The following TSBP1 variants were observed in gnomAD, a reference collection of about 807,000 sequenced individuals.
The protein encoded by TSBP1 is testis-expressed basic protein 1.
A neutral mutation model predicts 68.8 loss-of-function variants in TSBP1; 56 were observed. The ratio of observed to expected loss-of-function variants is 0.81; its 90% CI spans 0.66 to 1.02. The LOEUF is 1.02. Ranked by LOEUF, TSBP1 falls within the 50% of genes least tolerant of loss-of-function variation. The pLI is 0.00. For missense variants in TSBP1, 502 were observed against 641.2 expected (o/e 0.78, Z 2.34); for synonymous variants, 171 against 208.7 (o/e 0.82, Z 1.56).
chr6:32,344,343 A>G lies in TSBP1; in HGVS notation c.350-4705T>C, dbSNP rs188166009. On this transcript the variant is annotated intron_variant, in intron 9 of 22. Coordinates refer to ENST00000612031, the Ensembl canonical transcript of TSBP1. Reference sequence around the variant, plus strand: ...TCTTCTGCTCAACTTTTATGATTCAATGAGGCTAAATTCACAAACTAAAGC... The same window carrying G: ...TCTTCTGCTCAACTTTTATGATTCAGTGAGGCTAAATTCACAAACTAAAGC... Among the ~76,000 whole-genome samples, 47 of 139,462 alleles carry G rather than the reference A, an allele frequency of 3.4e-4. No individual in the cohort carries two copies. The East Asian group carries it at 6.0e-3, about 18-fold the overall frequency. 91.5% of individuals were successfully genotyped at this position (139,462 alleles called of 152,430 possible).
At chr6:32,345,331 A>G (rs1050031312) in intron 9 of TSBP1, among the ~76,000 whole-genome samples, 2 of 152,050 alleles carry the variant, frequency 1.3e-5, no homozygotes, top group Non-Finnish European at 2.9e-5. Context: ...GGTTCCTGGA[A>G]TTGGCACTGA....
chr6:32,299,835 C>A (rs115242686), intron 22 of TSBP1, 87 bp downstream of exon 25: 15,346 of 1,071,746 alleles, frequency 0.014, 546 homozygotes, highest in African/African-American at 0.13. Context: ...AAGCACAGGC[C>A]TCTATTTTGG....
At chr6:32,293,020 T>C in exon 23 of TSBP1, 1 of 1,608,874 alleles carries the variant, frequency 6.2e-7, no homozygotes, top group Non-Finnish European at 8.5e-7. Flanking sequence ...TTCCTGTATT[T>C]GCCTTCGCCC....
intron 1 of TSBP1, among the ~76,000 whole-genome samples, chr6:32,370,549 C>T (rs28986326): frequency 0.064 from 9,692 of 151,622 alleles, 424 homozygotes; most frequent in Middle Eastern, 0.18. Context: ...CTGAAGGGTG[C>T]TGACTGAAGG....
intron 22 of TSBP1, 80 bp downstream of exon 25, chr6:32,299,842 T>C: frequency 8.5e-7 from 1 of 1,170,442 alleles, no homozygotes; most frequent in Non-Finnish European, 1.3e-6. Flanking sequence ...GGCCTCTATT[T>C]TGGGAGTAGA....
chr6:32,364,950 G>A (rs1344697775), intron 6 of TSBP1, among the ~76,000 whole-genome samples: 1 of 152,120 alleles, frequency 6.6e-6, no homozygotes, highest in Non-Finnish European at 1.5e-5. Flanking sequence ...GAGTGGAGCA[G>A]TGGCATGATC....
intron 19 of TSBP1, among the ~76,000 whole-genome samples, chr6:32,309,163 T>A (rs1453319016): frequency 1.3e-5 from 2 of 152,118 alleles, no homozygotes; most frequent in African/African-American, 4.8e-5. Flanking sequence ...GTGCCCAGCC[T>A]GGTCTCCAAC....
At position 32,361,181 on chromosome 6, in the gene TSBP1, C is replaced by T. The variant is rs1455144308; in HGVS notation, c.217+4986G>A. Among the ~76,000 whole-genome samples the T allele has an allele frequency of 6.6e-6, 1 of 152,128 alleles. No individual in the cohort carries two copies. Among genetic ancestry groups the T allele is most frequent in the African/African-American group, 2.4e-5 (1 of 41,414 alleles). ...TGCTGAGAATGATGGTTTCCAGCTT[C>T]ATCCATGTCCCTACAAAGGACATGA... On this transcript the variant is annotated intron_variant, in intron 6 of 22. Coordinates refer to ENST00000612031, the Ensembl canonical transcript of TSBP1. This position sits in a 1 kb window ranked among gnomAD's most constrained non-coding sequence, Gnocchi z 4.3.
chr6:32,295,331 A>ATCTC (rs1274126163), intron 22 of TSBP1, among the ~76,000 whole-genome samples: 8 of 109,370 alleles, frequency 7.3e-5, no homozygotes, highest in African/African-American at 2.4e-4. Context: ...GTGATACTCC[A>ATCTC]TCTCACACAC....
rs1238592428 is a variant in TSBP1, at chr6:32,333,806, A to G, written c.472+1631T>C. ...ATTGCAGTTAATAATCCTTCACTTC[A>G]GTGTCACTCAGAATGAGAAATATCC... On this transcript the variant is annotated intron_variant, in intron 14 of 22. Transcript: ENST00000612031. The surrounding 1 kb of genome is among the most constrained non-coding windows in gnomAD (Gnocchi z 4.2). Among the ~76,000 whole-genome samples, 2 of 151,236 alleles carry G rather than the reference A, an allele frequency of 1.3e-5. No individual in the cohort carries two copies. Among genetic ancestry groups the G allele is most frequent in the East Asian group, 3.8e-4 (2 of 5,198 alleles).
Position 32,304,191 on chromosome 6 carries a change from AAAAG to A in TSBP1, c.581-1566_581-1563del, listed in dbSNP as rs139319191. Reference sequence around the variant, plus strand: ...AAGAAGAAAGAACGAGCGAATGAACAAAAGAAAGAAAGAAAGAAAGACCCAAACT... The same window carrying A: ...AAGAAGAAAGAACGAGCGAATGAACAAAAGAAAGAAAGAAAGACCCAAACT... On this transcript the variant is annotated intron_variant, in intron 19 of 22. Transcript: ENST00000612031. This position sits in a 1 kb window ranked among gnomAD's most constrained non-coding sequence, Gnocchi z 4.8. 0.1 allele frequency among the ~76,000 whole-genome samples: 15,196 copies of A among 151,942 alleles called. 1,136 individuals carry two copies. Among genetic ancestry groups the A allele is most frequent in the African/African-American group, 0.19 (7,932 of 41,422 alleles).
intron 19 of TSBP1, among the ~76,000 whole-genome samples, chr6:32,308,250 T>G (rs9268182): frequency 0.2 from 30,669 of 151,636 alleles, 3,232 homozygotes; most frequent in Non-Finnish European, 0.21. Context: ...TTTTAATCTG[T>G]GAGTTTAATC....
chr6:32,369,300 ACT>A (rs1183243419), intron 2 of TSBP1, among the ~76,000 whole-genome samples: 3 of 109,884 alleles, frequency 2.7e-5, no homozygotes, highest in Admixed American at 8.1e-5. Context: ...TTTTTTTTAA[ACT>A]CAGGTAATTT....
At chr6:32,346,674 C>G (rs932807716) in intron 9 of TSBP1, among the ~76,000 whole-genome samples, 1 of 152,084 alleles carries the variant, frequency 6.6e-6, no homozygotes. Flanking sequence ...CCTGTCTCTA[C>G]TAAAAATACA....
chr6:32,323,682 G>A (rs1436904212), intron 16 of TSBP1, 68 bp from the exon 18 acceptor site: 3 of 1,446,226 alleles, frequency 2.1e-6, no homozygotes, highest in African/African-American at 2.8e-5. Context: ...TATGTAGAGA[G>A]TTTCTTCTTG....
intron 15 of TSBP1, 22 bp from the exon 17 acceptor site, chr6:32,330,631 A>G (rs994508655): frequency 2.0e-6 from 3 of 1,514,130 alleles, no homozygotes; most frequent in Middle Eastern, 2.1e-4. Context: ...AAACAAACAA[A>G]TTAAACACAC....
intron 8 of TSBP1, 72 bp from the exon 9 acceptor site, chr6:32,349,832 A>G: frequency 6.4e-7 from 1 of 1,555,410 alleles, no homozygotes; most frequent in African/African-American, 1.4e-5. Context: ...CATAGACACT[A>G]TATTGCAGAA....
In TSBP1 at chr6:32,315,337, C is replaced by A. The variant is rs6910275; in HGVS notation, c.580+435G>T. ...CAGCACTTTGGGAGGCCAACGCGGG[C>A]GGATCACTTGAGGTCAGGAGTTCAA... On this transcript the variant is annotated intron_variant, in intron 19 of 22. Transcript: ENST00000612031. The surrounding 1 kb of genome is among the most constrained non-coding windows in gnomAD (Gnocchi z 5.4). 0.21 allele frequency among the ~76,000 whole-genome samples: 32,015 copies of A among 151,912 alleles called. 3,566 individuals carry two copies. Among genetic ancestry groups the A allele is most frequent in the East Asian group, 0.22 (1,155 of 5,160 alleles).
intron 21 of TSBP1, 60 bp downstream of exon 24, chr6:32,300,620 A>G (rs11964266): frequency 0.019 from 29,219 of 1,515,952 alleles, 837 homozygotes; most frequent in African/African-American, 0.12. Flanking sequence ...CATTTGGGAA[A>G]AAGAACTTAA....
Sources: allele counts gnomAD v4.1 joint callset (sites outside exome capture counted in the v4.1 genomes callset), GRCh38; gene constraint gnomAD v4.1.1; non-coding constraint Gnocchi (gnomAD v3.1); transcripts MANE v1.5; gene names NCBI Gene and HGNC (gene_info 2026-07-23, HGNC 2026-07-21).